The following SLC18A1 variants were observed in gnomAD, a reference collection of about 807,000 sequenced individuals.
SLC18A1 encodes chromaffin granule amine transporter.
Under a neutral mutation model 53.7 loss-of-function variants are expected in SLC18A1, and 69 were observed. That is an observed-to-expected ratio of 1.28 (90% CI 1.06 to 1.57). The LOEUF is 1.57. Among genes scored for constraint, SLC18A1 ranks in the 40% most tolerant of loss-of-function variants. SLC18A1 has a pLI of 0.00. For synonymous variants in SLC18A1, 320 were observed against 248.1 expected (o/e 1.29, Z -2.72); for missense variants, 932 against 668.1 (o/e 1.40, Z -4.35).
chr8:20,164,805 G>A lies in SLC18A1; in HGVS notation c.1015+64C>T, dbSNP rs79782093. On this transcript the variant is annotated intron_variant, in intron 10 of 15. Coordinates refer to ENST00000276373, the MANE Select transcript of SLC18A1 (RefSeq NM_003053.4). ...ATGTTGTCCCTGTGTGACATTGAAC[G>A]AAAGGACTCATGGCACCCACCTCCT... 6.3e-4 allele frequency: 793 copies of A among 1,265,758 alleles called. 3 individuals are homozygous for A. In the East Asian group the frequency reaches 0.011, roughly 18 times the overall value. 78.4% of individuals were successfully genotyped at this position (1,265,758 alleles called of 1,614,324 possible). A position where few individuals can be genotyped will look rare whatever the true frequency, so the allele number is the denominator to read the frequency against.
chr8:20,161,023 T>C (rs2071817525), intron 10 of SLC18A1, among the ~76,000 whole-genome samples: 1 of 152,228 alleles, frequency 6.6e-6, no homozygotes, highest in African/African-American at 2.4e-5. Flanking sequence ...ACTGTTGCAT[T>C]GGGGATTAAG....
In SLC18A1 at chr8:20,179,392, G is replaced by T; in HGVS notation, c.217C>A (p.Leu73Ile). 2 of 1,614,068 alleles carry T rather than the reference G, an allele frequency of 1.2e-6. No homozygotes were observed. The highest frequency in any genetic ancestry group is 1.1e-5 in the South Asian group (1 of 91,068). ...ATGGTGGAAAAGGCAGGAGAGGCGAGGGCATGTGGGGAACTTCCGGCATGG... is the reference window on the plus strand; with the variant it reads ...ATGGTGGAAAAGGCAGGAGAGGCGATGGCATGTGGGGAACTTCCGGCATGG... ...LGHAGSSPHA[L>I]ASPAFSTIFS... The change falls in exon 3 of 16, where the codon CTC becomes ATC. Residue 73 changes from leucine (L) to isoleucine (I), a missense_variant. Leu to Ile is a conservative substitution (Grantham distance 5). Coordinates refer to ENST00000276373, the MANE Select transcript of SLC18A1 (RefSeq NM_003053.4).
At chr8:20,156,366 A>G (rs890729827) in intron 10 of SLC18A1, among the ~76,000 whole-genome samples, 5 of 152,014 alleles carry the variant, frequency 3.3e-5, no homozygotes, top group African/African-American at 1.2e-4. Context: ...AATTCCCTTA[A>G]CCCAGCCAAT....
intron 4 of SLC18A1, 99 bp from the exon 5 acceptor site, chr8:20,174,543 G>C: frequency 1.3e-6 from 1 of 743,954 alleles, no homozygotes; most frequent in East Asian, 2.6e-5. Context: ...TATGAGTCTT[G>C]ATGCATATGT....
chr8:20,174,218 C>T (rs1366697798), intron 5 of SLC18A1, 143 bp downstream of exon 5: 1 of 698,838 alleles, frequency 1.4e-6, no homozygotes, highest in Non-Finnish European at 2.5e-6. Flanking sequence ...CAGCCCAATT[C>T]CCTTATTTCT....
intron 12 of SLC18A1, among the ~76,000 whole-genome samples, chr8:20,148,965 C>A (rs925532478): frequency 6.6e-6 from 1 of 152,082 alleles, no homozygotes; most frequent in African/African-American, 2.4e-5. Flanking sequence ...GATGAAGTAA[C>A]CTGCTCAAAG....
At chr8:20,148,573 A>C in intron 12 of SLC18A1, 2 of 803,654 alleles carry the variant, frequency 2.5e-6, no homozygotes, top group South Asian at 1.4e-5. Context: ...TGTAAGCTAG[A>C]GGGGGCAGGT....
chr8:20,169,874 G>A (rs569500844), intron 8 of SLC18A1, among the ~76,000 whole-genome samples: 38 of 152,238 alleles, frequency 2.5e-4, no homozygotes, highest in East Asian at 5.8e-4. Flanking sequence ...GCAAGACTCC[G>A]TCTCAAAAAA....
In SLC18A1 at chr8:20,147,655, A is replaced by T. The variant is rs1387670228; in HGVS notation, c.1278T>A (p.Tyr426Ter). 1 of 1,614,126 alleles carries T rather than the reference A, an allele frequency of 6.2e-7. No individual in the cohort carries two copies. Among genetic ancestry groups the T allele is most frequent in the Non-Finnish European group, 8.5e-7 (1 of 1,180,006 alleles). The change falls in exon 14 of 16, where the codon TAT becomes TAA. Residue 426 changes from tyrosine to a stop codon, truncating the protein, a stop_gained. Coordinates refer to ENST00000276373, the MANE Select transcript of SLC18A1 (RefSeq NM_003053.4). LOFTEE classifies it high-confidence loss of function. ...HLVDLRHTSV[Y>*]GSVYAIADVA... is the part of the protein sequence containing the mutation. ...CATCAGCGATGGCGTAGACACTCCCATACACCGAGGTGTGGCGTAGATCCA... is the reference window on the plus strand; with the variant it reads ...CATCAGCGATGGCGTAGACACTCCCTTACACCGAGGTGTGGCGTAGATCCA...
chr8:20,145,787 A>C lies in SLC18A1; in HGVS notation c.1554T>G (p.Asp518Glu), dbSNP rs1054375101. The C allele has an allele frequency of 1.2e-6, 2 of 1,610,870 alleles. No individual in the cohort carries two copies. Among genetic ancestry groups the C allele is most frequent in the African/African-American group, 2.7e-5 (2 of 74,868 alleles). ...GCTACTCCTCATGGTCAGGCTCCTC[A>C]TCACTGTCCTCCCCCAGAGGAAATT... ...TKEFPLGEDS[D>E]EEPDHEE is the part of the protein sequence containing the mutation. Residue 518 changes from aspartate (D) to glutamate (E), a missense_variant, in exon 16 of 16, where the codon GAT becomes GAG. Physicochemically the swap from Asp to Glu is conservative, Grantham distance 45. Coordinates refer to ENST00000276373, the MANE Select transcript of SLC18A1 (RefSeq NM_003053.4).
chr8:20,161,456 G>A (rs867165198), intron 10 of SLC18A1, among the ~76,000 whole-genome samples: 1 of 152,158 alleles, frequency 6.6e-6, no homozygotes, highest in Admixed American at 6.5e-5. Context: ...GGTGTTACAA[G>A]TCATTGAGAA....
rs1178463623 is a variant in SLC18A1 at position 20,173,090 on chromosome 8, C to G, written c.670G>C (p.Glu224Gln). Residue 224 changes from glutamate to glutamine, a missense_variant, in exon 6 of 16, where the codon GAG (glutamate) becomes CAG (glutamine). Physicochemically the swap from Glu to Gln is conservative, Grantham distance 29 (BLOSUM62 2). Coordinates refer to ENST00000276373, the MANE Select transcript of SLC18A1 (RefSeq NM_003053.4). ...GCAGTTCCCATGGCTCGTCCTCTCT[C>G]ATGGTCATCAGTGTAGACACTGGCC... Reference protein sequence around the residue: ...MLASVYTDDHERGRAMGTALG... With the variant: ...MLASVYTDDHQRGRAMGTALG... 4 of 1,581,658 alleles carry G rather than the reference C, an allele frequency of 2.5e-6. No homozygotes were observed. In the African/African-American group the frequency reaches 5.4e-5, roughly 21 times the overall value.
At chr8:20,150,571 A>G in intron 11 of SLC18A1, 95 bp downstream of exon 11, 1 of 1,115,648 alleles carries the variant, frequency 9.0e-7, no homozygotes, top group Non-Finnish European at 1.4e-6. Flanking sequence ...CTAAACTTTC[A>G]ACCGTATGGA....
chr8:20,160,288 A>G (rs2071791791), intron 10 of SLC18A1, among the ~76,000 whole-genome samples: 1 of 149,052 alleles, frequency 6.7e-6, no homozygotes, highest in Admixed American at 6.8e-5. Context: ...TAGGAAGCCT[A>G]CAGCCTCCTA....
At chr8:20,148,667 C>T (rs2128867425) in intron 12 of SLC18A1, among the ~76,000 whole-genome samples, 1 of 152,262 alleles carries the variant, frequency 6.6e-6, no homozygotes, top group South Asian at 2.1e-4. Flanking sequence ...CCCCTTCTTC[C>T]CTCTTTTTCA....
At chr8:20,149,230 G>C (rs534107912) in intron 12 of SLC18A1, among the ~76,000 whole-genome samples, 5 of 152,292 alleles carry the variant, frequency 3.3e-5, no homozygotes, top group East Asian at 1.9e-4. Flanking sequence ...TCTGGTGCCA[G>C]AGACTGGGAC....
intron 10 of SLC18A1, among the ~76,000 whole-genome samples, chr8:20,158,626 G>T (rs1342525255): frequency 6.6e-6 from 1 of 152,116 alleles, no homozygotes; most frequent in Non-Finnish European, 1.5e-5. Context: ...AAAGCCCAAG[G>T]CCTTGTAAAA....
At position 20,171,359 on chromosome 8, in the gene SLC18A1, A is replaced by G. The variant is rs17215731; in HGVS notation, c.814+46T>C. On this transcript the variant is annotated intron_variant, in intron 7 of 15. Coordinates refer to ENST00000276373, the MANE Select transcript of SLC18A1 (RefSeq NM_003053.4). ...GACACTACAACATAATGCATTCCCA[A>G]CCTGACCTGGGCTGTCACCTGCTGG... 14 of 1,540,916 alleles carry G rather than the reference A, an allele frequency of 9.1e-6. No homozygotes were observed. In the East Asian group the frequency reaches 2.9e-4, roughly 32 times the overall value.
chr8:20,156,491 A>C (rs1349627918), intron 10 of SLC18A1, among the ~76,000 whole-genome samples: 1 of 152,126 alleles, frequency 6.6e-6, no homozygotes, highest in Non-Finnish European at 1.5e-5. Context: ...GAGGGAAAAA[A>C]CCGTAATGGG....
Sources: gnomAD v4.1 joint callset for allele counts (sites outside exome capture counted in the v4.1 genomes callset) on GRCh38, gnomAD v4.1.1 for gene constraint, MANE v1.5 for transcripts, NCBI Gene and HGNC (gene_info 2026-07-23, HGNC 2026-07-21) for gene names.